The following ENO4 variants were observed in gnomAD, a reference collection of about 807,000 sequenced individuals.
The protein encoded by ENO4 is enolase 4, also known as 2-phospho-D-glycerate hydro-lyase.
In ENO4, 53 loss-of-function variants were observed where a neutral mutation model predicts 63.2. The observed-to-expected ratio is 0.84, with a 90% CI of 0.67 to 1.05. The LOEUF is 1.05. Ranked by LOEUF, ENO4 falls within the 50% of genes least tolerant of loss-of-function variation. ENO4 has a pLI of 0.00. For missense variants in ENO4, 719 were observed against 772.0 expected, an observed-to-expected ratio of 0.93 and a Z score of 0.81; for synonymous variants, 266 against 283.8, an observed-to-expected ratio of 0.94 and a Z score of 0.63.
chr10:116,879,290 G>A lies in ENO4; in HGVS notation c.1538-1G>A. ...AAAACTGAAAGAAATTCCTCTTCCA[G>A]GTAAGAAGCACATCACTGTCTTTGG... On this transcript the variant is annotated splice_acceptor_variant, in intron 11 of 13. Transcript: ENST00000341276. LOFTEE classifies it high-confidence loss of function. The A allele has an allele frequency of 6.5e-7, 1 of 1,548,354 alleles. No individual in the cohort carries two copies. The highest frequency in any genetic ancestry group is 8.7e-7 in the Non-Finnish European group (1 of 1,145,516).
In ENO4 at chr10:116,893,576, G is replaced by GCACGCACACACACACACACA. The variant is rs1554905665; in HGVS notation, c.1194+13593_1194+13594insGCACACACACACACACACAC. On this transcript the variant is annotated intron_variant, in intron 10 of 10. Coordinates refer to the ENO4 transcript ENST00000369207. ...CCCCCTCCCTGATAGGCACTCATGTGCACACACACACACACACACACGAGA... is the reference window on the plus strand; with the variant it reads ...CCCCCTCCCTGATAGGCACTCATGTGCACGCACACACACACACACACACACACACACACACACACACGAGA... 1.2e-4 allele frequency among the ~76,000 whole-genome samples: 15 copies of GCACGCACACACACACACACA among 123,594 alleles called. No individual in the cohort carries two copies. The East Asian group carries it at 3.6e-3, about 29-fold the overall frequency. The allele number at this position is 123,594 out of a possible 152,430, so 81.1% of individuals were successfully genotyped here.
At chr10:116,895,193 C>A (rs1392871707) in intron 10 of ENO4, among the ~76,000 whole-genome samples, 1 of 152,122 alleles carries the variant, frequency 6.6e-6, no homozygotes, top group African/African-American at 2.4e-5. Flanking sequence ...AAGCATCTTT[C>A]TAATCCAATG....
intron 3 of ENO4, among the ~76,000 whole-genome samples, chr10:116,857,527 C>T (rs556678778): frequency 4.6e-5 from 7 of 152,262 alleles, no homozygotes; most frequent in Admixed American, 2.0e-4. Flanking sequence ...ATGCCACAAC[C>T]CTTTGGCCAA....
At chr10:116,909,389 T>G (rs1477091694) in intron 10 of ENO4, among the ~76,000 whole-genome samples, 1 of 152,168 alleles carries the variant, frequency 6.6e-6, no homozygotes, top group African/African-American at 2.4e-5. Flanking sequence ...ATAATACAAT[T>G]TTTTAAAAAT....
chr10:116,901,118 T>A (rs929340433), intron 10 of ENO4: 1 of 985,376 alleles, frequency 1.0e-6, no homozygotes, highest in Non-Finnish European at 1.2e-6. Flanking sequence ...CTAGCTGACA[T>A]CCTGGCAAGA....
chr10:116,893,732 C>T (rs1464864178), intron 10 of ENO4, among the ~76,000 whole-genome samples: 2 of 152,094 alleles, frequency 1.3e-5, no homozygotes, highest in Non-Finnish European at 2.9e-5. Flanking sequence ...AACATGACCC[C>T]AAACCTCTCT....
At chr10:116,879,630 A>G (rs1396820587) in intron 12 of ENO4, among the ~76,000 whole-genome samples, 2 of 152,198 alleles carry the variant, frequency 1.3e-5, no homozygotes, top group African/African-American at 2.4e-5. Context: ...GAACGTTCTT[A>G]CATAAAATCA....
At chr10:116,875,490 G>A (rs1846803637) in intron 10 of ENO4, among the ~76,000 whole-genome samples, 1 of 150,720 alleles carries the variant, frequency 6.6e-6, no homozygotes, top group African/African-American at 2.4e-5. Flanking sequence ...GGACTACCAG[G>A]CACACCACCA....
rs149145160 is a variant in ENO4 at position 116,866,068 on chromosome 10, A to T, written c.991-2582A>T. On this transcript the variant is annotated intron_variant, in intron 7 of 13. Transcript: ENST00000341276. ...TCGTAGGTGGCCAAGCTGGCATTCA[A>T]ACTCAGAATCCATGATCTTAATCAG... Among the ~76,000 whole-genome samples the T allele has an allele frequency of 3.0e-3, 458 of 152,330 alleles. 6 individuals are homozygous for T. Among genetic ancestry groups the T allele is most frequent in the East Asian group, 6.2e-3 (32 of 5,182 alleles).
chr10:116,869,794 T>C lies in ENO4; in HGVS notation c.1047+1088T>C, dbSNP rs1000870951. On this transcript the variant is annotated intron_variant, in intron 8 of 13. Coordinates refer to ENST00000341276, the MANE Select transcript of ENO4 (RefSeq NM_001242699.2). Reference sequence around the variant, plus strand: ...TTTCTTTTTCCCATTAGAAACAGTCTAGAGTATAGATTCCAGAGAGGCAGC... The same window carrying C: ...TTTCTTTTTCCCATTAGAAACAGTCCAGAGTATAGATTCCAGAGAGGCAGC... Among the ~76,000 whole-genome samples, 4 of 152,162 alleles carry C rather than the reference T, an allele frequency of 2.6e-5. No homozygotes were observed. The South Asian group carries it at 8.3e-4, about 31-fold the overall frequency.
At chr10:116,864,849 G>A (rs944813016) in intron 7 of ENO4, among the ~76,000 whole-genome samples, 34 of 152,152 alleles carry the variant, frequency 2.2e-4, no homozygotes, top group African/African-American at 7.2e-4. Context: ...TCAAAACCCC[G>A]TCTCTACTAA....
rs374526334 is a variant in ENO4, at chr10:116,856,850, A to G, written c.485+168A>G. On this transcript the variant is annotated intron_variant, in intron 3 of 13. Coordinates refer to ENST00000341276, the MANE Select transcript of ENO4 (RefSeq NM_001242699.2). ...TCAAAATACAAAAAATTAGCCGGGCATGGTGGTGGGCGCCTGTAGTCCCAG... is the reference window on the plus strand; with the variant it reads ...TCAAAATACAAAAAATTAGCCGGGCGTGGTGGTGGGCGCCTGTAGTCCCAG... Among the ~76,000 whole-genome samples the G allele has an allele frequency of 9.9e-5, 15 of 152,234 alleles. 1 individual carries two copies. The East Asian group carries it at 1.7e-3, about 18-fold the overall frequency.
rs1338487791 is a variant in ENO4 at position 116,861,162 on chromosome 10, T to C, written c.908T>C (p.Ile303Thr). 2 of 1,526,048 alleles carry C rather than the reference T, an allele frequency of 1.3e-6. No homozygotes were observed. Among genetic ancestry groups the C allele is most frequent in the Non-Finnish European group, 1.8e-6 (2 of 1,132,538 alleles). The allele number at this position is 1,526,048 out of a possible 1,614,324, so 94.5% of individuals were successfully genotyped here. ...KLNLMKEVIC[I>T]PHPELTTKQG... ...AATTTAATGAAAGAAGTGATTTGTA[T>C]ACCCCATCCTGAATTAACAACCAAA... Residue 303 changes from isoleucine (I) to threonine (T), a missense_variant, in exon 6 of 14, where the codon ATA becomes ACA. By Grantham distance (89) the Ile-to-Thr change is moderately conservative (BLOSUM62 -1). Transcript: ENST00000341276.
chr10:116,898,035 T>C (rs1354508088), intron 10 of ENO4, among the ~76,000 whole-genome samples: 2 of 152,044 alleles, frequency 1.3e-5, no homozygotes, highest in Non-Finnish European at 1.5e-5. Flanking sequence ...TTTTAAAAAG[T>C]CTATAATTTA....
At chr10:116,880,970 A>AT (rs1846989281) in intron 13 of ENO4, among the ~76,000 whole-genome samples, 1 of 152,158 alleles carries the variant, frequency 6.6e-6, no homozygotes, top group Non-Finnish European at 1.5e-5. Flanking sequence ...TCCACAATAG[A>AT]TTAACAGATC....
chr10:116,896,986 T>C (rs534867394), intron 10 of ENO4, among the ~76,000 whole-genome samples: 1 of 152,234 alleles, frequency 6.6e-6, no homozygotes, highest in African/African-American at 2.4e-5. Flanking sequence ...TTTGTATTTT[T>C]AGTAGAGATA....
chr10:116,888,583 C>A (rs1431384310), intron 10 of ENO4, among the ~76,000 whole-genome samples: 2 of 152,136 alleles, frequency 1.3e-5, no homozygotes, highest in African/African-American at 4.8e-5. Flanking sequence ...CTTGATGATG[C>A]AAGACAATCT....
intron 10 of ENO4, among the ~76,000 whole-genome samples, chr10:116,889,176 A>T (rs1232053617): frequency 6.6e-6 from 1 of 152,234 alleles, no homozygotes; most frequent in Non-Finnish European, 1.5e-5. Context: ...CAGATCCTAG[A>T]AAAAGCTTTC....
chr10:116,872,469 T>C (rs556424626), intron 9 of ENO4, among the ~76,000 whole-genome samples: 1 of 152,202 alleles, frequency 6.6e-6, no homozygotes, highest in South Asian at 2.1e-4. Flanking sequence ...TCACTAGATC[T>C]GATGGTTTTA....
Sources: allele counts gnomAD v4.1 joint callset (sites outside exome capture counted in the v4.1 genomes callset), GRCh38; gene constraint gnomAD v4.1.1; transcripts MANE v1.5; gene names NCBI Gene and HGNC (gene_info 2026-07-23, HGNC 2026-07-21).